The following UBE4B variants were observed in gnomAD, a reference collection of about 807,000 sequenced individuals.
UBE4B encodes the protein ubiquitination factor E4B, also known as ubiquitin conjugation factor E4 B.
In UBE4B, 27 loss-of-function variants were observed where a neutral mutation model predicts 148.1. The ratio of observed to expected loss-of-function variants is 0.18; its 90% CI spans 0.13 to 0.25. The LOEUF (loss-of-function observed/expected upper bound fraction) is 0.25. Ranked by LOEUF, UBE4B falls within the 10% of genes least tolerant of loss-of-function variation. UBE4B has a pLI of 1.00. For synonymous variants in UBE4B, 596 were observed against 619.3 expected (o/e 0.96, Z 0.56); for missense variants, 1,170 against 1,662.4 (o/e 0.70, Z 5.15).
intron 1 of UBE4B, among the ~76,000 whole-genome samples, chr1:10,046,131 T>C (rs1459871224): frequency 6.6e-6 from 1 of 152,192 alleles, no homozygotes; most frequent in African/African-American, 2.4e-5. Flanking sequence ...TGCCTCTTCA[T>C]GGCACAGCTT....
At chr1:10,175,444 G>T (rs1409740653) in intron 25 of UBE4B, among the ~76,000 whole-genome samples, 1 of 151,686 alleles carries the variant, frequency 6.6e-6, no homozygotes, top group South Asian at 2.1e-4. Context: ...AAGGTCAGGA[G>T]ATCGAGACCG....
intron 1 of UBE4B, among the ~76,000 whole-genome samples, chr1:10,067,255 A>G (rs1644405208): frequency 6.6e-6 from 1 of 152,156 alleles, no homozygotes; most frequent in Admixed American, 6.5e-5. Flanking sequence ...CCCTATTTTA[A>G]TGTCGTTTGT....
chr1:10,147,256 G>C (rs1359745787), intron 19 of UBE4B, among the ~76,000 whole-genome samples, 166 bp downstream of exon 19: 5 of 152,120 alleles, frequency 3.3e-5, no homozygotes. Flanking sequence ...TTTGGGGGAG[G>C]CTGAGGCAGA....
chr1:10,096,465 C>T (rs1644929500), intron 3 of UBE4B, among the ~76,000 whole-genome samples: 2 of 152,310 alleles, frequency 1.3e-5, no homozygotes, highest in South Asian at 4.1e-4. Context: ...GGCTCGATGG[C>T]TCATGCCTGT....
intron 4 of UBE4B, 53 bp from the exon 5 acceptor site, chr1:10,102,895 C>T (rs1645038802): frequency 1.3e-6 from 2 of 1,549,802 alleles, no homozygotes; most frequent in Non-Finnish European, 1.8e-6. Flanking sequence ...TATTGAAACA[C>T]CTAACTCATA....
Position 10,168,264 on chromosome 1 carries a change from C to T in UBE4B, c.3327C>T (p.Leu1109=), listed in dbSNP as rs773684035. Residue 1109 remains leucine, a synonymous_variant, in exon 24 of 28, where the codon CTC becomes CTT. Transcript: ENST00000343090. The surrounding 1 kb of genome is among the most constrained non-coding windows in gnomAD (Gnocchi z 4.9). ...CGAAGCAGGTCCAGAAGCCCTTCCTCAGACCGGTGAGTAGAAACCCGGGGC... is the reference window on the plus strand; with the variant it reads ...CGAAGCAGGTCCAGAAGCCCTTCCTTAGACCGGTGAGTAGAAACCCGGGGC... ...ILTKQVQKPF[L]RPELGPRLAA... is the part of the protein sequence containing the mutation. 2 of 1,614,142 alleles carry T rather than the reference C, an allele frequency of 1.2e-6. No homozygotes were observed. Among genetic ancestry groups the T allele is most frequent in the Non-Finnish European group, 1.7e-6 (2 of 1,180,016 alleles).
intron 25 of UBE4B, among the ~76,000 whole-genome samples, chr1:10,175,572 A>G (rs1646412850): frequency 6.6e-6 from 1 of 152,012 alleles, no homozygotes; most frequent in African/African-American, 2.4e-5. Context: ...AATGGCGTGA[A>G]CCTGGGAGGT....
Position 10,072,134 on chromosome 1 carries a change from C to T in UBE4B, c.131C>T (p.Ala44Val). Residue 44 changes from alanine (A) to valine (V), a missense_variant, in exon 2 of 28, where the codon GCA (alanine) becomes GTA (valine). Physicochemically the swap from Ala to Val is moderately conservative, Grantham distance 64 (BLOSUM62 0). This residue lies in a region of UBE4B where 127 missense variants were observed against 153.2 expected (regional missense o/e 0.83). Transcript: ENST00000343090. Reference sequence around the variant, plus strand: ...AACCCTCCGGGGCCTCCCATAGCGGCATCAGCCCCAGGACCCTCTCAGAGT... The same window carrying T: ...AACCCTCCGGGGCCTCCCATAGCGGTATCAGCCCCAGGACCCTCTCAGAGT... ...RENPPGPPIA[A>V]SAPGPSQSLG... is the part of the protein sequence containing the mutation. 6.2e-7 allele frequency: 1 copy of T among 1,613,804 alleles called. No homozygotes were observed. The highest frequency in any genetic ancestry group is 8.5e-7 in the Non-Finnish European group (1 of 1,179,892).
chr1:10,166,970 C>CA (rs796133568), intron 23 of UBE4B, among the ~76,000 whole-genome samples: 36 of 133,244 alleles, frequency 2.7e-4, no homozygotes, highest in Middle Eastern at 3.9e-3. Context: ...CACACACACA[C>CA]AAAAAAAAAA....
rs764089127 is a variant in UBE4B, at chr1:10,161,999, C to CTTTTTTTTTTTTTTTTTTTTT, written c.3198+729_3198+730insTTTTTTTTTTTTTTTTTTTTT. On this transcript the variant is annotated intron_variant, in intron 23 of 27. Transcript: ENST00000343090. The surrounding 1 kb of genome is among the most constrained non-coding windows in gnomAD (Gnocchi z 4.1). Reference sequence around the variant, plus strand: ...GGGGACTGCTTTTTCTTCACTTTTTCTTTTTTTTTTTTTTTTGAGACGGAG... The same window carrying CTTTTTTTTTTTTTTTTTTTTT: ...GGGGACTGCTTTTTCTTCACTTTTTCTTTTTTTTTTTTTTTTTTTTTTTTTTTTTTTTTTTTTGAGACGGAG... 5.8e-5 allele frequency among the ~76,000 whole-genome samples: 8 copies of CTTTTTTTTTTTTTTTTTTTTT among 137,254 alleles called. No individual in the cohort carries two copies. The highest frequency in any genetic ancestry group is 2.1e-4 in the African/African-American group (8 of 37,494). The allele number at this position is 137,254 out of a possible 152,430, so 90.0% of individuals were successfully genotyped here. A position where few individuals can be genotyped will look rare whatever the true frequency, so the allele number is the denominator to read the frequency against.
At chr1:10,052,512 T>C (rs1355232775) in intron 1 of UBE4B, among the ~76,000 whole-genome samples, 1 of 152,218 alleles carries the variant, frequency 6.6e-6, no homozygotes. Flanking sequence ...TCAGGAATCA[T>C]GTCTGTGATC....
intron 1 of UBE4B, among the ~76,000 whole-genome samples, chr1:10,047,218 G>A (rs979257483): frequency 6.6e-6 from 1 of 152,262 alleles, no homozygotes; most frequent in East Asian, 1.9e-4. Context: ...GGCAGAGGTC[G>A]GAAATAATAA....
intron 7 of UBE4B, among the ~76,000 whole-genome samples, chr1:10,115,164 C>CTTTTTTTTTTTT (rs5772396): frequency 7.3e-6 from 1 of 137,024 alleles, no homozygotes. Context: ...TAATACCATA[C>CTTTTTTTTTTTT]TTTTTTTTTT....
At chr1:10,111,515 C>G (rs1234948537) in intron 7 of UBE4B, among the ~76,000 whole-genome samples, 1 of 152,190 alleles carries the variant, frequency 6.6e-6, no homozygotes, top group Non-Finnish European at 1.5e-5. Context: ...CGCACCCATG[C>G]ACGCACACCG....
intron 25 of UBE4B, among the ~76,000 whole-genome samples, chr1:10,174,743 A>G (rs371378320): frequency 6.7e-6 from 1 of 150,122 alleles, no homozygotes; most frequent in African/African-American, 2.5e-5. Context: ...TTCCTTTCAC[A>G]GTGTGGTGTG....
intron 18 of UBE4B, chr1:10,145,320 G>A (rs1333529080): frequency 3.0e-5 from 6 of 199,112 alleles, no homozygotes; most frequent in South Asian, 1.2e-4. Context: ...TCCCTTGGCC[G>A]GGCGCAGTGG....
At chr1:10,126,758 A>G (rs756446524) in intron 10 of UBE4B, 36 bp from the exon 11 acceptor site, 40 of 1,549,942 alleles carry the variant, frequency 2.6e-5, no homozygotes, top group Non-Finnish European at 3.3e-5. Context: ...AGATTCTCTT[A>G]AACTTATATT....
In UBE4B at chr1:10,151,410, C is replaced by T. The variant is rs140977077; in HGVS notation, c.2775C>T (p.Ile925=). The T allele has an allele frequency of 3.0e-5, 49 of 1,614,018 alleles. No individual in the cohort carries two copies. Among genetic ancestry groups the T allele is most frequent in the South Asian group, 3.3e-5 (3 of 91,086 alleles). The stretch of plus-strand genomic sequence containing the variant: ...TGATGTTGTGCAACCAGAACTACAT[C>T]CGAAACCCATATTTGGTGGCCAAAC... ...LVVMLCNQNY[I]RNPYLVAKLV... is the part of the protein sequence containing the mutation. Residue 925 remains isoleucine, a synonymous_variant, in exon 21 of 28, where the codon ATC becomes ATT. Coordinates refer to ENST00000343090, the MANE Select transcript of UBE4B (RefSeq NM_001105562.3).
At chr1:10,076,354 C>T (rs1258095353) in intron 2 of UBE4B, among the ~76,000 whole-genome samples, 8 of 151,502 alleles carry the variant, frequency 5.3e-5, no homozygotes, top group Admixed American at 3.3e-4. Context: ...AAGCAACTCT[C>T]CTGCCTCAGC....
Sources: allele counts gnomAD v4.1 joint callset (sites outside exome capture counted in the v4.1 genomes callset), GRCh38; gene constraint gnomAD v4.1.1; regional missense constraint gnomAD v4.1.1; non-coding constraint Gnocchi (gnomAD v3.1); transcripts MANE v1.5; gene names NCBI Gene and HGNC (gene_info 2026-07-23, HGNC 2026-07-21).